Variants in UGT1A5 observed in about 807,000 individuals in gnomAD.
UGT1A5 encodes the protein UDP glucuronosyltransferase family 1 member A5.
A neutral mutation model predicts 40.3 loss-of-function variants in UGT1A5; 29 were observed. The ratio of observed to expected loss-of-function variants is 0.72; its 90% CI spans 0.54 to 0.98. The LOEUF is 0.98. Among genes scored for constraint, UGT1A5 ranks in the 50% least tolerant of loss-of-function variants. The pLI is 0.00. For synonymous variants in UGT1A5, 257 were observed against 262.5 expected, an observed-to-expected ratio of 0.98 and a Z score of 0.20; for missense variants, 678 against 677.9, an observed-to-expected ratio of 1.00 and a Z score of 0.00.
intron 1 of UGT1A5, among the ~76,000 whole-genome samples, chr2:233,738,670 T>G (rs377285735): frequency 6.6e-6 from 1 of 152,186 alleles, no homozygotes; most frequent in African/African-American, 2.4e-5. Flanking sequence ...TTGAGAGAGA[T>G]GATCTGAAAT....
chr2:233,726,329 A>T (rs1355018721), intron 1 of UGT1A5, among the ~76,000 whole-genome samples: 1 of 152,172 alleles, frequency 6.6e-6, no homozygotes, highest in Non-Finnish European at 1.5e-5. Flanking sequence ...GAGTTTCAGC[A>T]CCTGTGGTTT....
intron 1 of UGT1A5, among the ~76,000 whole-genome samples, chr2:233,740,479 C>T (rs1387993286): frequency 6.6e-6 from 1 of 151,850 alleles, no homozygotes; most frequent in East Asian, 1.9e-4. Context: ...AGGATCATTC[C>T]CTCTTCCAGA....
Position 233,767,830 on chromosome 2 carries a change from C to A in UGT1A5, c.1000-19C>A. 6.2e-7 allele frequency: 1 copy of A among 1,614,170 alleles called. No homozygotes were observed. The highest frequency in any genetic ancestry group is 8.5e-7 in the Non-Finnish European group (1 of 1,180,024). Reference sequence around the variant, plus strand: ...TATTATGTTCTTTCTTTACGTTCTGCTCTTTTTGCCCCTCCCAGGTCCTGT... The same window carrying A: ...TATTATGTTCTTTCTTTACGTTCTGATCTTTTTGCCCCTCCCAGGTCCTGT... On this transcript the variant is annotated intron_variant, in intron 2 of 4. Coordinates refer to ENST00000373414, the MANE Select transcript of UGT1A5 (RefSeq NM_019078.2).
intron 1 of UGT1A5, chr2:233,743,739 T>C (rs377618743): frequency 7.3e-7 from 1 of 1,367,366 alleles, no homozygotes; most frequent in African/African-American, 1.5e-5. Flanking sequence ...TCGCGTTTCT[T>C]GGCGTCCGAC....
At chr2:233,765,087 G>A (rs1381800370) in intron 1 of UGT1A5, among the ~76,000 whole-genome samples, 3 of 152,094 alleles carry the variant, frequency 2.0e-5, no homozygotes, top group African/African-American at 7.2e-5. Flanking sequence ...CACATCTAGG[G>A]TGACCAGCAT....
At chr2:233,750,273 A>T (rs1048305257) in intron 1 of UGT1A5, among the ~76,000 whole-genome samples, 6 of 151,954 alleles carry the variant, frequency 3.9e-5, no homozygotes, top group African/African-American at 1.5e-4. Context: ...TGCTTTAGCA[A>T]AGAGACTGGT....
intron 1 of UGT1A5, among the ~76,000 whole-genome samples, chr2:233,737,663 G>A (rs918279158): frequency 3.9e-5 from 6 of 152,176 alleles, no homozygotes; most frequent in South Asian, 4.1e-4. Context: ...GCTGCAGATC[G>A]GAGCTGTTCC....
intron 1 of UGT1A5, among the ~76,000 whole-genome samples, chr2:233,730,968 A>T (rs552248982): frequency 2.6e-5 from 4 of 152,134 alleles, no homozygotes; most frequent in East Asian, 1.9e-4. Context: ...GTACTCTGGG[A>T]CCTGAATATT....
chr2:233,720,572 T>C (rs2076872220), intron 1 of UGT1A5, among the ~76,000 whole-genome samples: 1 of 152,112 alleles, frequency 6.6e-6, no homozygotes, highest in Non-Finnish European at 1.5e-5. Context: ...ATCTATTCTT[T>C]TTCCAAAAAT....
chr2:233,766,850 T>C (rs1248093383), intron 1 of UGT1A5, among the ~76,000 whole-genome samples, 184 bp from the exon 2 acceptor site: 1 of 152,222 alleles, frequency 6.6e-6, no homozygotes, highest in Non-Finnish European at 1.5e-5. Flanking sequence ...CTTCCTCCTT[T>C]AGAAGGAAGT....
intron 1 of UGT1A5, among the ~76,000 whole-genome samples, chr2:233,756,977 A>G (rs1696373315): frequency 6.6e-6 from 1 of 152,008 alleles, no homozygotes; most frequent in South Asian, 2.1e-4. Flanking sequence ...CACGCAATGA[A>G]CAGTCATAGT....
Position 233,769,781 on chromosome 2 carries a change from G to A in UGT1A5, c.1307+1342G>A. On this transcript the variant is annotated intron_variant, in intron 4 of 4. Coordinates refer to ENST00000373414, the MANE Select transcript of UGT1A5 (RefSeq NM_019078.2). The surrounding 1 kb of genome is among the most constrained non-coding windows in gnomAD (Gnocchi z 4.4). ...AAGGCGGGAGGATTGCTTGAGCCCAGAAGTTGGAGGCTGCTATGAGCCGTG... is the reference window on the plus strand; with the variant it reads ...AAGGCGGGAGGATTGCTTGAGCCCAAAAGTTGGAGGCTGCTATGAGCCGTG... 1 of 1,329,528 alleles carries A rather than the reference G, an allele frequency of 7.5e-7. No homozygotes were observed. The highest frequency in any genetic ancestry group is 9.9e-7 in the Non-Finnish European group (1 of 1,014,222). 82.4% of individuals were successfully genotyped at this position (1,329,528 alleles called of 1,614,324 possible). A position where few individuals can be genotyped will look rare whatever the true frequency, so the allele number is the denominator to read the frequency against.
intron 1 of UGT1A5, chr2:233,747,281 A>C: frequency 6.3e-7 from 1 of 1,599,850 alleles, no homozygotes; most frequent in Non-Finnish European, 8.5e-7. Context: ...CTCAGTGCCC[A>C]GCCCTGGGCT....
At chr2:233,760,250 G>T in intron 1 of UGT1A5, 1 of 1,601,220 alleles carries the variant, frequency 6.2e-7, no homozygotes. Context: ...ATATATATAA[G>T]TAGGAGAGGG....
chr2:233,757,503 A>G (rs1469765233), intron 1 of UGT1A5, among the ~76,000 whole-genome samples: 5 of 137,398 alleles, frequency 3.6e-5, no homozygotes, highest in African/African-American at 1.1e-4. Context: ...GAGTGATAGC[A>G]TGATTCCAAA....
chr2:233,753,809 G>A (rs1297655785), intron 1 of UGT1A5, among the ~76,000 whole-genome samples: 1 of 152,202 alleles, frequency 6.6e-6, no homozygotes, highest in Non-Finnish European at 1.5e-5. Context: ...CATAGTTGGA[G>A]AACCACGTTA....
At chr2:233,738,718 T>G (rs912478722) in intron 1 of UGT1A5, among the ~76,000 whole-genome samples, 1 of 152,094 alleles carries the variant, frequency 6.6e-6, no homozygotes, top group Non-Finnish European at 1.5e-5. Flanking sequence ...AGCATAAAAG[T>G]TTGGAAAATT....
chr2:233,734,899 T>C (rs182449879), intron 1 of UGT1A5, among the ~76,000 whole-genome samples: 2 of 152,328 alleles, frequency 1.3e-5, no homozygotes, highest in East Asian at 3.9e-4. Flanking sequence ...TGATTTCTAT[T>C]CTTTTACATT....
chr2:233,768,337 C>A lies in UGT1A5; in HGVS notation c.1205C>A (p.Ala402Glu). 1 of 1,614,128 alleles carries A rather than the reference C, an allele frequency of 6.2e-7. No individual in the cohort carries two copies. Among genetic ancestry groups the A allele is most frequent in the African/African-American group, 1.3e-5 (1 of 75,022 alleles). ...TTGTTTGGTGATCAGATGGACAATG[C>A]AAAGCGCATGGAGACTAAGGGAGCT... The part of the protein sequence containing the change: ...MPLFGDQMDN[A>E]KRMETKGAGV... The change falls in exon 4 of 5, where the codon GCA becomes GAA. Residue 402 changes from alanine to glutamate, a missense_variant. Coordinates refer to ENST00000373414, the MANE Select transcript of UGT1A5 (RefSeq NM_019078.2).
Sources: allele counts gnomAD v4.1 joint callset (sites outside exome capture counted in the v4.1 genomes callset), GRCh38; gene constraint gnomAD v4.1.1; non-coding constraint Gnocchi (gnomAD v3.1); transcripts MANE v1.5; gene names NCBI Gene and HGNC (gene_info 2026-07-23, HGNC 2026-07-21).